The following DENND2B variants were observed in gnomAD, a reference collection of about 807,000 sequenced individuals.
The protein encoded by DENND2B is DENN domain-containing protein 2B.
DENND2B carries 32 observed loss-of-function variants against 116.0 expected under a neutral mutation model. The observed-to-expected ratio is 0.28, with a 90% CI of 0.21 to 0.37. The LOEUF (loss-of-function observed/expected upper bound fraction) is 0.37. DENND2B is among the 10% of genes least tolerant of loss of function. DENND2B has a pLI of 1.00. For synonymous variants in DENND2B, 588 were observed against 583.9 expected (o/e 1.01, Z -0.10); for missense variants, 1,276 against 1,477.7 (o/e 0.86, Z 2.24).
intron 1 of DENND2B, among the ~76,000 whole-genome samples, chr11:8,760,732 T>C (rs568070028): frequency 2.4e-4 from 36 of 152,364 alleles, no homozygotes; most frequent in African/African-American, 8.7e-4. Flanking sequence ...ATACACATTG[T>C]AAATCTTAGA....
At chr11:8,887,073 C>A (rs908106793) in intron 1 of DENND2B, among the ~76,000 whole-genome samples, 1 of 152,178 alleles carries the variant, frequency 6.6e-6, no homozygotes, top group East Asian at 1.9e-4. Flanking sequence ...GGTGATCCAT[C>A]TACCTCGGCC....
chr11:8,782,038 A>G (rs1390882470), intron 1 of DENND2B, among the ~76,000 whole-genome samples: 1 of 152,214 alleles, frequency 6.6e-6, no homozygotes, highest in Non-Finnish European at 1.5e-5. Flanking sequence ...CTAAAGAATC[A>G]TACTCCCCAC....
chr11:8,703,253 T>G (rs1233585844), intron 13 of DENND2B: 3 of 153,580 alleles, frequency 2.0e-5, no homozygotes, highest in Non-Finnish European at 4.3e-5. Flanking sequence ...CCAGAGGCTG[T>G]TTGTCCTGCT....
chr11:8,805,909 G>T (rs1452619562), intron 1 of DENND2B, among the ~76,000 whole-genome samples: 2 of 152,154 alleles, frequency 1.3e-5, no homozygotes, highest in Non-Finnish European at 1.5e-5. Context: ...ATGGGCACCA[G>T]AGACACCTCT....
chr11:8,888,148 G>T (rs1300234786), intron 1 of DENND2B, among the ~76,000 whole-genome samples: 2 of 152,168 alleles, frequency 1.3e-5, no homozygotes, highest in African/African-American at 2.4e-5. Context: ...CCAGGAAAAG[G>T]CTTGGACCTA....
intron 1 of DENND2B, among the ~76,000 whole-genome samples, chr11:8,754,535 A>G (rs2053266194): frequency 6.6e-6 from 1 of 152,256 alleles, no homozygotes; most frequent in Admixed American, 6.5e-5. Context: ...AGTTATACTC[A>G]GAGTTACCAT....
rs772725709 is a variant in DENND2B at position 8,699,032 on chromosome 11, G to A, written c.2899-58C>T. 627 of 1,603,434 alleles carry A rather than the reference G, an allele frequency of 3.9e-4. 1 individual carries two copies. The highest frequency in any genetic ancestry group is 4.4e-4 in the Non-Finnish European group (511 of 1,173,060). ...GGGCATGAGTCCCGCAATGCCCTCTGCCAGGCCTCCAGACCTCCCAGGTTC... is the reference window on the plus strand; with the variant it reads ...GGGCATGAGTCCCGCAATGCCCTCTACCAGGCCTCCAGACCTCCCAGGTTC... On this transcript the variant is annotated intron_variant, in intron 15 of 19. Transcript: ENST00000313726.
chr11:8,894,949 C>T (rs546305883), intron 1 of DENND2B, among the ~76,000 whole-genome samples: 16 of 152,122 alleles, frequency 1.1e-4, no homozygotes, highest in South Asian at 4.1e-4. Context: ...CACATGCACA[C>T]GTATGTTTAT....
intron 4 of DENND2B, among the ~76,000 whole-genome samples, chr11:8,820,008 T>C (rs2061703722): frequency 6.6e-6 from 1 of 152,132 alleles, no homozygotes; most frequent in African/African-American, 2.4e-5. Flanking sequence ...AAAAGCCAAA[T>C]TTAAAGATAA....
chr11:8,776,262 T>C (rs2057717632), intron 1 of DENND2B: 1 of 455,856 alleles, frequency 2.2e-6, no homozygotes, highest in African/African-American at 2.0e-5. Context: ...GTTTCTGGGC[T>C]CAAATCACTG....
At chr11:8,698,792 C>A in intron 16 of DENND2B, 141 bp downstream of exon 16, 1 of 996,686 alleles carries the variant, frequency 1.0e-6, no homozygotes, top group Non-Finnish European at 1.6e-6. Flanking sequence ...CCAAGACCAG[C>A]TTCTCCCCAC....
At chr11:8,831,138 G>A (rs2568064) in intron 4 of DENND2B, among the ~76,000 whole-genome samples, 67,259 of 151,938 alleles carry the variant, frequency 0.44, 15,783 homozygotes, top group East Asian at 0.59. Context: ...ACTGGGAGGT[G>A]GAGCCCCTGG....
chr11:8,899,199 A>G (rs1463778590), intron 1 of DENND2B, among the ~76,000 whole-genome samples: 1 of 152,092 alleles, frequency 6.6e-6, no homozygotes, highest in Admixed American at 6.6e-5. Context: ...AAAAATGAAC[A>G]AGCCTCAGAG....
intron 3 of DENND2B, among the ~76,000 whole-genome samples, chr11:8,842,135 G>A (rs34275210): frequency 0.22 from 32,746 of 152,018 alleles, 4,014 homozygotes; most frequent in Middle Eastern, 0.39. Flanking sequence ...AGTTGTGAAC[G>A]GCACATAGTA....
intron 4 of DENND2B, chr11:8,718,443 A>G: frequency 1.3e-6 from 2 of 1,519,832 alleles, no homozygotes; most frequent in South Asian, 1.2e-5. Flanking sequence ...ATGCCGTTCA[A>G]CAAGTCTTTT....
At chr11:8,811,266 G>T, upstream of DENND2B, 1 of 398,704 alleles carries the variant, frequency 2.5e-6, no homozygotes, top group Non-Finnish European at 4.4e-6. Flanking sequence ...TGTCCAGGTT[G>T]TGGCGATGGC....
intron 1 of DENND2B, among the ~76,000 whole-genome samples, chr11:8,794,270 T>A (rs548291820): frequency 3.3e-5 from 5 of 152,288 alleles, no homozygotes; most frequent in Admixed American, 3.3e-4. Flanking sequence ...TGAGTCCCAG[T>A]CCCCACTCTG....
rs370969947 is a variant in DENND2B at position 8,715,813 on chromosome 11, G to C, written c.1635C>G (p.Ser545=). 1 of 1,598,534 alleles carries C rather than the reference G, an allele frequency of 6.3e-7. No homozygotes were observed. Among genetic ancestry groups the C allele is most frequent in the Non-Finnish European group, 8.6e-7 (1 of 1,168,718 alleles). ...RKYNSPPTQL[S]LKPNSQSLRS... is the part of the protein sequence containing the mutation. ...GCAGGGACTGGCTGTTGGGTTTCAG[G>C]GAAAGCTGGCGTGGGGGAGAGGACG... is the stretch of plus-strand genomic sequence containing the variant. Residue 545 remains serine (S), a synonymous_variant, in exon 6 of 20, where the codon TCC becomes TCG. Transcript: ENST00000313726.
chr11:8,904,863 T>A (rs900690703), intron 1 of DENND2B, among the ~76,000 whole-genome samples: 7 of 152,128 alleles, frequency 4.6e-5, no homozygotes, highest in African/African-American at 1.7e-4. Context: ...GTGCAATATG[T>A]ACACTAATCA....
Sources: gnomAD v4.1 joint callset for allele counts (sites outside exome capture counted in the v4.1 genomes callset) on GRCh38, gnomAD v4.1.1 for gene constraint, MANE v1.5 for transcripts, NCBI Gene and HGNC (gene_info 2026-07-23, HGNC 2026-07-21) for gene names.